Variants in ILDR1 observed in about 807,000 individuals in gnomAD.
ILDR1 encodes immunoglobulin like domain containing receptor 1, also known as immunoglobulin-like domain-containing receptor 1.
In ILDR1, 56 loss-of-function variants were observed where a neutral mutation model predicts 62.4. That is an observed-to-expected ratio of 0.90 (90% CI 0.72 to 1.12). The LOEUF (loss-of-function observed/expected upper bound fraction) is 1.12. ILDR1 is among the 50% of genes most tolerant of loss of function. The probability of loss-of-function intolerance (pLI) is 0.00; values close to 1 mark genes in which losing one functional copy is unlikely to be tolerated. For missense variants in ILDR1, 736 were observed against 710.6 expected (o/e 1.04, Z -0.41); for synonymous variants, 284 against 277.8 (o/e 1.02, Z -0.22).
At chr3:122,054,553 T>C in the ILDR1 span, among the ~76,000 whole-genome samples, 1 of 152,206 alleles carries the variant, frequency 6.6e-6, no homozygotes, top group Non-Finnish European at 1.5e-5. Context: ...GCCAAGTTGT[T>C]TTTTGTTTCT....
At chr3:122,044,622 A>T in the ILDR1 span, among the ~76,000 whole-genome samples, 1 of 151,368 alleles carries the variant, frequency 6.6e-6, no homozygotes, top group East Asian at 1.9e-4. Flanking sequence ...TCAGAGATTC[A>T]ACTTCTTCCT....
the ILDR1 span, among the ~76,000 whole-genome samples, chr3:122,060,518 C>T: frequency 2.0e-5 from 3 of 152,088 alleles, no homozygotes; most frequent in Non-Finnish European, 2.9e-5. Context: ...GTCAATGGCT[C>T]ATGCCTGTAA....
chr3:122,011,677 T>TCACACACACACACACACACACACA (rs10530548), intron 1 of ILDR1, among the ~76,000 whole-genome samples: 4,770 of 133,110 alleles, frequency 0.036, 186 homozygotes, highest in African/African-American at 0.075. Flanking sequence ...TCTCTCTCTT[T>TCACACACACACACACACACACACA]CACACACACA....
At chr3:122,037,302 C>T in the ILDR1 span, among the ~76,000 whole-genome samples, 42 of 152,212 alleles carry the variant, frequency 2.8e-4, no homozygotes, top group African/African-American at 1.0e-3. Flanking sequence ...GCACTCAACA[C>T]CAGCCCATGA....
intron 3 of ILDR1, 36 bp downstream of exon 3, chr3:122,005,208 C>T (rs755561684): frequency 3.3e-5 from 42 of 1,282,914 alleles, no homozygotes; most frequent in Non-Finnish European, 4.6e-5. Flanking sequence ...CACCTCCCCC[C>T]ACCCCCAGTT....
the ILDR1 span, among the ~76,000 whole-genome samples, chr3:122,035,496 T>A: frequency 6.6e-6 from 1 of 152,180 alleles, no homozygotes; most frequent in South Asian, 2.1e-4. Context: ...TCAAATCTTA[T>A]GTCAAATTGG....
intron 5 of ILDR1, among the ~76,000 whole-genome samples, chr3:121,999,619 C>CCAG (rs1309634411): frequency 6.6e-6 from 1 of 152,156 alleles, no homozygotes; most frequent in Non-Finnish European, 1.5e-5. Flanking sequence ...GGCTCCTCTA[C>CCAG]CAGCAGCAGC....
chr3:122,002,877 C>T (rs1051536505), intron 3 of ILDR1, among the ~76,000 whole-genome samples: 3 of 152,174 alleles, frequency 2.0e-5, no homozygotes, highest in Non-Finnish European at 1.5e-5. Flanking sequence ...GACAGACAAC[C>T]TACAGAATGC....
At chr3:122,007,247 G>A in intron 1 of ILDR1, 86 bp from the exon 2 acceptor site, 2 of 1,593,072 alleles carry the variant, frequency 1.3e-6, no homozygotes, top group Non-Finnish European at 8.5e-7. Context: ...AAAAGATATT[G>A]CCTGCCATCC....
chr3:122,001,855 A>C lies in ILDR1; in HGVS notation c.389T>G (p.Leu130Arg). The change falls in exon 4 of 8, where the codon CTC becomes CGC. Residue 130 changes from leucine (L) to arginine (R), a missense_variant. By Grantham distance (102) the Leu-to-Arg change is moderately radical. Coordinates refer to ENST00000344209, the MANE Select transcript of ILDR1 (RefSeq NM_001199799.2). ...CCACCACATCACTTCATTTATCACG[A>C]GATCTGCTCCTACACAGTAAGGAGG... ...RKITIQNRAD[L>R]VINEVMWWDH... is the part of the protein sequence containing the mutation. 2.5e-6 allele frequency: 4 copies of C among 1,613,416 alleles called. No individual in the cohort carries two copies. Among genetic ancestry groups the C allele is most frequent in the Non-Finnish European group, 3.4e-6 (4 of 1,179,978 alleles).
the ILDR1 span, among the ~76,000 whole-genome samples, chr3:122,032,189 T>C: frequency 2.6e-5 from 4 of 152,226 alleles, no homozygotes; most frequent in African/African-American, 9.6e-5. Context: ...TTAGATTGGC[T>C]TTGCCTCCTT....
At chr3:121,994,646 T>C (rs2107646436) in intron 5 of ILDR1, among the ~76,000 whole-genome samples, 1 of 152,166 alleles carries the variant, frequency 6.6e-6, no homozygotes, top group South Asian at 2.1e-4. Flanking sequence ...TAGCATACAA[T>C]GAATAAGTGG....
the ILDR1 span, among the ~76,000 whole-genome samples, chr3:122,032,453 G>A: frequency 6.6e-6 from 1 of 152,098 alleles, no homozygotes; most frequent in African/African-American, 2.4e-5. Flanking sequence ...ATTGTTTTGA[G>A]GGTCACCCAT....
intron 1 of ILDR1, among the ~76,000 whole-genome samples, chr3:122,012,369 C>T (rs1158080500): frequency 1.3e-5 from 2 of 152,156 alleles, no homozygotes; most frequent in African/African-American, 4.8e-5. Flanking sequence ...ATTTTCTCCT[C>T]CCCAGTTCAT....
At chr3:122,046,785 C>CT in the ILDR1 span, among the ~76,000 whole-genome samples, 1 of 136,814 alleles carries the variant, frequency 7.3e-6, no homozygotes, top group East Asian at 2.2e-4. Context: ...CCTTTAAGCA[C>CT]TTCCCTGTAT....
the ILDR1 span, among the ~76,000 whole-genome samples, chr3:122,032,927 A>G: frequency 6.6e-6 from 1 of 152,188 alleles, no homozygotes; most frequent in Admixed American, 6.5e-5. Context: ...TAAGTTAAAA[A>G]CCATACAGCC....
At chr3:122,005,727 C>T (rs1576726195) in intron 2 of ILDR1, among the ~76,000 whole-genome samples, 1 of 152,032 alleles carries the variant, frequency 6.6e-6, no homozygotes, top group East Asian at 1.9e-4. Flanking sequence ...CCTCTCTCTG[C>T]TCCCATGGAA....
rs755582465 is a variant in ILDR1 at position 122,005,310 on chromosome 3, G to A, written c.313C>T (p.Arg105Trp). The change falls in exon 3 of 8, where the codon CGG (arginine) becomes TGG (tryptophan). Residue 105 changes from arginine (R) to tryptophan (W), a missense_variant. Arg to Trp is a moderately radical substitution (Grantham distance 101). Coordinates refer to ENST00000344209, the MANE Select transcript of ILDR1 (RefSeq NM_001199799.2). ...AGCACGGGCTCATTCTGCCCCCGCCGCTGGGCCACTATGCGAACTTCCCGC... is the reference window on the plus strand; with the variant it reads ...AGCACGGGCTCATTCTGCCCCCGCCACTGGGCCACTATGCGAACTTCCCGC... ...NQREVRIVAQRRGQNEPVLGV... is the reference protein window; with the variant it reads ...NQREVRIVAQWRGQNEPVLGV... The A allele has an allele frequency of 3.1e-6, 5 of 1,590,810 alleles. No individual in the cohort carries two copies. Among genetic ancestry groups the A allele is most frequent in the African/African-American group, 1.4e-5 (1 of 73,424 alleles).
At chr3:122,044,517 G>T in the ILDR1 span, among the ~76,000 whole-genome samples, 1 of 149,768 alleles carries the variant, frequency 6.7e-6, no homozygotes, top group African/African-American at 2.5e-5. Context: ...TGTACCTCTG[G>T]TAGAATTCGG....
Sources: gnomAD v4.1 joint callset for allele counts (sites outside exome capture counted in the v4.1 genomes callset) on GRCh38, gnomAD v4.1.1 for gene constraint, MANE v1.5 for transcripts, NCBI Gene and HGNC (gene_info 2026-07-23, HGNC 2026-07-21) for gene names.